CAMKMT: variants seen among roughly 807,000 people sequenced by gnomAD.
CAMKMT encodes the protein calmodulin-lysine N-methyltransferase.
In CAMKMT, 53 loss-of-function variants were observed where a neutral mutation model predicts 48.0. The ratio of observed to expected loss-of-function variants is 1.10; its 90% CI spans 0.89 to 1.39. CAMKMT has a LOEUF of 1.39. Ranked by LOEUF, CAMKMT falls within the 40% of genes most tolerant of loss-of-function variation. The pLI is 0.00. For missense variants in CAMKMT, 428 were observed against 402.7 expected, an observed-to-expected ratio of 1.06 and a Z score of -0.54; for synonymous variants, 165 against 152.3, an observed-to-expected ratio of 1.08 and a Z score of -0.61.
At chr2:44,746,412 C>T (rs186026828) in intron 8 of CAMKMT, among the ~76,000 whole-genome samples, 1 of 152,274 alleles carries the variant, frequency 6.6e-6, no homozygotes, top group Admixed American at 6.5e-5. Flanking sequence ...CAGATATTTA[C>T]ATTCAAACAT....
Position 44,730,213 on chromosome 2 carries a change from G to A in CAMKMT, c.624-13409G>A, listed in dbSNP as rs77473068. ...TGTTCATTCCAGCCTCCAAACCCTG[G>A]CCTCTTCTTTAGGCTTTGTCTGATA... On this transcript the variant is annotated intron_variant, in intron 7 of 10. Transcript: ENST00000378494. 6.2e-3 allele frequency among the ~76,000 whole-genome samples: 945 copies of A among 152,240 alleles called. 10 individuals are homozygous for A. Among genetic ancestry groups the A allele is most frequent in the African/African-American group, 0.022 (901 of 41,538 alleles).
At chr2:44,715,770 G>T (rs1375724033) in intron 7 of CAMKMT, among the ~76,000 whole-genome samples, 1 of 152,110 alleles carries the variant, frequency 6.6e-6, no homozygotes, top group Non-Finnish European at 1.5e-5. Context: ...GGAGAGCGGG[G>T]AATGTTGCTA....
rs561413246 is a variant in CAMKMT at position 44,545,613 on chromosome 2, C to T, written c.376+155308C>T. Among the ~76,000 whole-genome samples, 421 of 148,222 alleles carry T rather than the reference C, an allele frequency of 2.8e-3. 1 individual carries two copies. The highest frequency in any genetic ancestry group is 9.9e-3 in the African/African-American group (400 of 40,410). On this transcript the variant is annotated intron_variant, in intron 3 of 10. Transcript: ENST00000378494. Reference sequence around the variant, plus strand: ...GAGATACAGGGAGGTTGTGACTTGTCTATGGTCACAAGATAAGTGGCAGAG... The same window carrying T: ...GAGATACAGGGAGGTTGTGACTTGTTTATGGTCACAAGATAAGTGGCAGAG...
intron 3 of CAMKMT, among the ~76,000 whole-genome samples, chr2:44,683,325 C>A (rs1676127071): frequency 6.6e-6 from 1 of 152,166 alleles, no homozygotes; most frequent in African/African-American, 2.4e-5. Flanking sequence ...AATCTCTCCA[C>A]AAGATGCAAA....
chr2:44,431,810 A>G (rs1443534058), intron 3 of CAMKMT, among the ~76,000 whole-genome samples: 1 of 152,172 alleles, frequency 6.6e-6, no homozygotes, highest in East Asian at 1.9e-4. Flanking sequence ...GTGGTAATAG[A>G]CAACTAGAAA....
intron 3 of CAMKMT, among the ~76,000 whole-genome samples, chr2:44,625,436 A>G (rs932168671): frequency 2.0e-5 from 3 of 152,126 alleles, no homozygotes; most frequent in Admixed American, 1.3e-4. Context: ...AAATGTAAGT[A>G]TTGCAGATTT....
At chr2:44,456,649 G>A in intron 3 of CAMKMT, 1 of 1,539,746 alleles carries the variant, frequency 6.5e-7, no homozygotes, top group Non-Finnish European at 8.8e-7. Context: ...TATGCCTGGG[G>A]AGATGGGACT....
intron 3 of CAMKMT, among the ~76,000 whole-genome samples, chr2:44,422,703 T>A (rs868591078): frequency 1.5e-4 from 23 of 152,318 alleles, no homozygotes; most frequent in Middle Eastern, 3.4e-3. Context: ...TTTCTTTTTT[T>A]TTTTTTAATT....
At chr2:44,544,402 A>G (rs995477313) in intron 3 of CAMKMT, among the ~76,000 whole-genome samples, 1 of 152,216 alleles carries the variant, frequency 6.6e-6, no homozygotes, top group African/African-American at 2.4e-5. Context: ...TGATTGAGTT[A>G]CAAATGAATA....
chr2:44,392,347 GA>G (rs1274930858), intron 3 of CAMKMT, among the ~76,000 whole-genome samples: 1 of 151,890 alleles, frequency 6.6e-6, no homozygotes, highest in Non-Finnish European at 1.5e-5. Context: ...TATTTTAACA[GA>G]AAAATCTATA....
chr2:44,580,243 A>AAAAATAAAATAAAAT (rs367927902), intron 3 of CAMKMT, among the ~76,000 whole-genome samples: 54,706 of 137,190 alleles, frequency 0.4, 12,751 homozygotes, highest in Middle Eastern at 0.55. Context: ...ATCAGGGCTC[A>AAAAATAAAATAAAAT]AAAATAAAAT....
At chr2:44,385,080 A>G (rs13405504) in intron 2 of CAMKMT, among the ~76,000 whole-genome samples, 4,758 of 152,116 alleles carry the variant, frequency 0.031, 81 homozygotes, top group Non-Finnish European at 0.05. Context: ...CAGTATGGTC[A>G]TTTTCACCAT....
intron 8 of CAMKMT, among the ~76,000 whole-genome samples, chr2:44,753,820 T>A (rs780553776): frequency 9.9e-5 from 15 of 152,214 alleles, no homozygotes; most frequent in African/African-American, 1.4e-4. Context: ...CATGGCCCAG[T>A]CACGTGTGAA....
rs528633654 is a variant in CAMKMT, at chr2:44,500,686, C to CT, written c.376+110397dup. On this transcript the variant is annotated intron_variant, in intron 3 of 10. Transcript: ENST00000378494. ...CAGCATTTTGCCCTTTTCTCAGATA[C>CT]TTTTTTTTTTTTTTTTCTGGAGTCT... Among the ~76,000 whole-genome samples, 423 of 138,280 alleles carry CT rather than the reference C, an allele frequency of 3.1e-3. 1 individual carries two copies. Among genetic ancestry groups the CT allele is most frequent in the Non-Finnish European group, 3.2e-3 (205 of 63,390 alleles). 90.7% of individuals were successfully genotyped at this position (138,280 alleles called of 152,430 possible). A position where few individuals can be genotyped will look rare whatever the true frequency, so the allele number is the denominator to read the frequency against.
At chr2:44,548,949 A>G (rs1667553254) in intron 3 of CAMKMT, among the ~76,000 whole-genome samples, 1 of 152,200 alleles carries the variant, frequency 6.6e-6, no homozygotes, top group Non-Finnish European at 1.5e-5. Context: ...CTTCTGACCT[A>G]AAGAGTTGTG....
chr2:44,563,627 C>T (rs986454600), intron 3 of CAMKMT, among the ~76,000 whole-genome samples: 10 of 152,128 alleles, frequency 6.6e-5, no homozygotes, highest in Non-Finnish European at 2.9e-5. Context: ...TCCCCCTTCC[C>T]CCCACCCCAT....
intron 3 of CAMKMT, among the ~76,000 whole-genome samples, chr2:44,689,432 G>A (rs948336075): frequency 1.3e-4 from 20 of 151,668 alleles, no homozygotes; most frequent in African/African-American, 2.4e-4. Flanking sequence ...CCTGTAACAC[G>A]GCACAGTTTT....
At chr2:44,466,082 A>G (rs1668096484) in intron 3 of CAMKMT, among the ~76,000 whole-genome samples, 1 of 152,226 alleles carries the variant, frequency 6.6e-6, no homozygotes, top group South Asian at 2.1e-4. Context: ...AGTTAACAGT[A>G]GGATATTTAA....
intron 3 of CAMKMT, among the ~76,000 whole-genome samples, chr2:44,553,232 A>G (rs980643384): frequency 1.3e-5 from 2 of 152,218 alleles, no homozygotes; most frequent in Admixed American, 6.5e-5. Context: ...CCACATGTGT[A>G]GATAGCATAT....
Sources: allele counts gnomAD v4.1 joint callset (sites outside exome capture counted in the v4.1 genomes callset), GRCh38; gene constraint gnomAD v4.1.1; transcripts MANE v1.5; gene names NCBI Gene and HGNC (gene_info 2026-07-23, HGNC 2026-07-21).